The following SOX6 variants were observed in gnomAD, a reference collection of about 807,000 sequenced individuals.
SOX6 encodes SRY-box transcription factor 6, also known as transcription factor SOX-6.
Under a neutral mutation model 97.8 loss-of-function variants are expected in SOX6, and 11 were observed. The ratio of observed to expected loss-of-function variants is 0.11; its 90% CI spans 0.07 to 0.19. The LOEUF is 0.19. Among genes scored for constraint, SOX6 ranks in the 10% least tolerant of loss-of-function variants. The pLI is 1.00. For synonymous variants in SOX6, 360 were observed against 371.4 expected (o/e 0.97, Z 0.35); for missense variants, 810 against 1,039.5 (o/e 0.78, Z 3.04).
At chr11:16,670,051 C>T (rs1564864792) in intron 3 of SOX6, among the ~76,000 whole-genome samples, 1 of 152,078 alleles carries the variant, frequency 6.6e-6, no homozygotes. Flanking sequence ...GGAATCCCTA[C>T]CCCCGCCCTT....
chr11:16,070,855 T>C (rs1042124056), intron 9 of SOX6, among the ~76,000 whole-genome samples: 1 of 152,132 alleles, frequency 6.6e-6, no homozygotes, highest in African/African-American at 2.4e-5. Flanking sequence ...ATCCCTCCCA[T>C]CACACTTCTA....
chr11:16,253,726 C>T (rs2134203429), intron 3 of SOX6, among the ~76,000 whole-genome samples: 1 of 151,584 alleles, frequency 6.6e-6, no homozygotes, highest in Admixed American at 6.6e-5. Context: ...TGTGGAACAA[C>T]TACAAATGGT....
chr11:16,388,318 A>C, intron 1 of SOX6, among the ~76,000 whole-genome samples: 1 of 152,138 alleles, frequency 6.6e-6, no homozygotes, highest in East Asian at 1.9e-4. Context: ...TGGATTTGCT[A>C]TTGTTTTGTT....
In SOX6 at chr11:15,986,440, TA is replaced by T. The variant is rs752512997; in HGVS notation, c.1967-21del. The T allele has an allele frequency of 4.3e-6, 7 of 1,612,400 alleles. No homozygotes were observed. In the African/African-American group the frequency reaches 9.4e-5, roughly 22 times the overall value. On this transcript the variant is annotated intron_variant, in intron 14 of 15. Coordinates refer to ENST00000683767, the MANE Select transcript of SOX6 (RefSeq NM_001367873.1). ...GAGATCCTAGAAATAAAAATAGCCT[TA>T]AGTACCCAAGTGGTCAAGGCAACAT... is the stretch of plus-strand genomic sequence containing the variant.
chr11:16,064,392 T>C (rs144559590), intron 9 of SOX6, among the ~76,000 whole-genome samples: 104 of 150,530 alleles, frequency 6.9e-4, no homozygotes, highest in African/African-American at 2.4e-3. Flanking sequence ...TTCAATTTAT[T>C]AATTTATTAA....
chr11:16,310,514 C>G (rs923243460), intron 3 of SOX6, among the ~76,000 whole-genome samples: 4 of 151,822 alleles, frequency 2.6e-5, no homozygotes, highest in African/African-American at 7.3e-5. Context: ...TTTTTTAAAA[C>G]AGGAGCAAGG....
chr11:16,014,406 G>A (rs543564826), intron 13 of SOX6, among the ~76,000 whole-genome samples: 2 of 152,032 alleles, frequency 1.3e-5, no homozygotes, highest in African/African-American at 4.8e-5. Context: ...TAAAACTGCT[G>A]CAAACTATCA....
intron 1 of SOX6, among the ~76,000 whole-genome samples, chr11:16,446,173 T>C (rs112647269): frequency 0.013 from 1,925 of 151,554 alleles, 41 homozygotes; most frequent in African/African-American, 0.044. Flanking sequence ...ACAATGGAGA[T>C]TATTATAAGG....
At chr11:16,358,953 C>T (rs1185448217), upstream of SOX6, among the ~76,000 whole-genome samples, 1 of 152,112 alleles carries the variant, frequency 6.6e-6, no homozygotes, top group Non-Finnish European at 1.5e-5. Flanking sequence ...TGTCAAGTAC[C>T]ATACTGACTG....
At chr11:16,088,344 T>C (rs747550801) in intron 9 of SOX6, among the ~76,000 whole-genome samples, 70 of 152,184 alleles carry the variant, frequency 4.6e-4, no homozygotes, top group Non-Finnish European at 9.1e-4. Context: ...CTTGGCGTTG[T>C]ACATTTTATG....
At chr11:16,305,193 T>C (rs1855388815) in intron 3 of SOX6, among the ~76,000 whole-genome samples, 1 of 152,114 alleles carries the variant, frequency 6.6e-6, no homozygotes, top group Admixed American at 6.5e-5. Flanking sequence ...GTATTTAGAA[T>C]AATAAAAAAC....
At chr11:16,714,163 T>G (rs1259290375) in intron 3 of SOX6, among the ~76,000 whole-genome samples, 1 of 152,138 alleles carries the variant, frequency 6.6e-6, no homozygotes, top group African/African-American at 2.4e-5. Context: ...TTACTGCAAA[T>G]GATAATTAGT....
intron 4 of SOX6, among the ~76,000 whole-genome samples, chr11:16,583,601 G>A (rs11601818): frequency 6.9e-4 from 19 of 27,668 alleles, no homozygotes; most frequent in Middle Eastern, 0.045. Context: ...ATGTATATAT[G>A]TGTATATATA....
intron 6 of SOX6, among the ~76,000 whole-genome samples, chr11:16,160,885 T>A (rs942135366): frequency 2.0e-5 from 3 of 152,144 alleles, no homozygotes; most frequent in Non-Finnish European, 4.4e-5. Flanking sequence ...TTCCAAATTC[T>A]CAAAAAAACT....
At chr11:16,708,932 A>T (rs553874022) in intron 3 of SOX6, among the ~76,000 whole-genome samples, 99 of 152,330 alleles carry the variant, frequency 6.5e-4, no homozygotes, top group Middle Eastern at 3.4e-3. Context: ...TAATTTACTC[A>T]ACACAACTTC....
intron 1 of SOX6, among the ~76,000 whole-genome samples, chr11:16,368,700 T>C (rs1218049291): frequency 1.3e-5 from 2 of 151,878 alleles, no homozygotes; most frequent in Non-Finnish European, 2.9e-5. Context: ...TTCTTAAATA[T>C]GACACAAGCA....
chr11:16,542,302 T>TG (rs1460428954), intron 4 of SOX6, among the ~76,000 whole-genome samples: 1 of 151,948 alleles, frequency 6.6e-6, no homozygotes, highest in East Asian at 1.9e-4. Context: ...CATCACACAC[T>TG]GGGGCCTGTT....
At chr11:16,612,892 G>T (rs571600440) in intron 3 of SOX6, among the ~76,000 whole-genome samples, 75 of 152,140 alleles carry the variant, frequency 4.9e-4, no homozygotes, top group African/African-American at 1.7e-3. Context: ...ACACTAACAC[G>T]CCATGCCATC....
chr11:16,609,012 G>T (rs1256658132), intron 4 of SOX6, among the ~76,000 whole-genome samples: 1 of 152,160 alleles, frequency 6.6e-6, no homozygotes, highest in African/African-American at 2.4e-5. Flanking sequence ...CCTAAATAAA[G>T]ATTCCCTTTG....
Sources: gnomAD v4.1 joint callset for allele counts (sites outside exome capture counted in the v4.1 genomes callset) on GRCh38, gnomAD v4.1.1 for gene constraint, MANE v1.5 for transcripts, NCBI Gene and HGNC (gene_info 2026-07-23, HGNC 2026-07-21) for gene names.